The following ANO2 variants were observed in gnomAD, a reference collection of about 807,000 sequenced individuals.
ANO2 encodes anoctamin 2, also known as anoctamin-2.
In ANO2, 101 loss-of-function variants were observed where a neutral mutation model predicts 124.2. The observed-to-expected ratio is 0.81, with a 90% CI of 0.69 to 0.96. The LOEUF is 0.96. ANO2 is among the 40% of genes least tolerant of loss of function. The pLI is 0.00. For missense variants in ANO2, 1,293 were observed against 1,274.5 expected, an observed-to-expected ratio of 1.01 and a Z score of -0.22; for synonymous variants, 486 against 482.5, an observed-to-expected ratio of 1.01 and a Z score of -0.09.
intron 10 of ANO2, among the ~76,000 whole-genome samples, chr12:5,761,051 C>T (rs1432051975): frequency 8.6e-6 from 1 of 116,702 alleles, no homozygotes; most frequent in East Asian, 2.8e-4. Context: ...ATTTTGGACC[C>T]CCACAGCAAA....
chr12:5,689,113 T>C (rs1013364888), intron 14 of ANO2, among the ~76,000 whole-genome samples: 1 of 152,132 alleles, frequency 6.6e-6, no homozygotes, highest in Non-Finnish European at 1.5e-5. Flanking sequence ...AAACAAATTG[T>C]GAGGTTACTA....
chr12:5,778,113 T>C (rs2137129827), intron 10 of ANO2, among the ~76,000 whole-genome samples: 1 of 151,820 alleles, frequency 6.6e-6, no homozygotes, highest in Admixed American at 6.5e-5. Context: ...TACAAGCCAA[T>C]CTATTTATTA....
intron 10 of ANO2, among the ~76,000 whole-genome samples, chr12:5,757,895 T>C (rs1951626093): frequency 6.6e-6 from 1 of 152,320 alleles, no homozygotes; most frequent in Admixed American, 6.5e-5. Context: ...TAAGTTAGCA[T>C]GACAGAGTGT....
chr12:5,849,418 G>A (rs1299809007), intron 4 of ANO2, among the ~76,000 whole-genome samples: 2 of 152,182 alleles, frequency 1.3e-5, no homozygotes, highest in Non-Finnish European at 1.5e-5. Context: ...TGTTGACCAC[G>A]ATCTCTAGAA....
At position 5,565,621 on chromosome 12, in the gene ANO2, A is replaced by G. The variant is rs527734859; in HGVS notation, c.2664T>C (p.Tyr888=). 46 of 1,605,530 alleles carry G rather than the reference A, an allele frequency of 2.9e-5. No homozygotes were observed. In the Admixed American group the frequency reaches 4.9e-4, roughly 17 times the overall value. The part of the protein sequence containing the change: ...YREPPWAPNP[Y]EFSKQYWFIL... ...TAAACCAGTACTGTTTCGAAAACTC[A>G]TAAGGGTTCGGGGCCCATGGCGGCT... Residue 888 remains tyrosine (Y), a synonymous_variant, in exon 24 of 25, where the codon TAT becomes TAC. Coordinates refer to ENST00000682330, the MANE Select transcript of ANO2 (RefSeq NM_001364791.2).
chr12:5,685,477 G>A (rs1219995514), intron 14 of ANO2, among the ~76,000 whole-genome samples: 6 of 152,206 alleles, frequency 3.9e-5, no homozygotes, highest in African/African-American at 1.4e-4. Flanking sequence ...CTGGAACAGA[G>A]AAGAGAAGCC....
At chr12:5,797,048 G>A (rs3825285) in intron 10 of ANO2, among the ~76,000 whole-genome samples, 30,571 of 152,160 alleles carry the variant, frequency 0.2, 3,374 homozygotes, top group Admixed American at 0.26. Flanking sequence ...GAATTATCAC[G>A]TTCCGCCTGT....
intron 14 of ANO2, among the ~76,000 whole-genome samples, chr12:5,667,244 T>G (rs1225384875): frequency 2.0e-5 from 3 of 152,196 alleles, no homozygotes; most frequent in African/African-American, 7.2e-5. Flanking sequence ...TAACAAATTA[T>G]CGGGACCCTT....
chr12:5,568,257 A>G (rs1941895079), intron 23 of ANO2, among the ~76,000 whole-genome samples: 1 of 149,412 alleles, frequency 6.7e-6, no homozygotes, highest in Non-Finnish European at 1.5e-5. Context: ...CTCCTGCCTC[A>G]GCCTCAGTCC....
At chr12:5,620,992 C>A (rs545595054) in intron 16 of ANO2, among the ~76,000 whole-genome samples, 6 of 152,150 alleles carry the variant, frequency 3.9e-5, no homozygotes, top group African/African-American at 1.4e-4. Context: ...CCAGCCTGAA[C>A]GTGCCACATC....
At chr12:5,792,837 G>A (rs953702898) in intron 10 of ANO2, among the ~76,000 whole-genome samples, 1 of 152,188 alleles carries the variant, frequency 6.6e-6, no homozygotes, top group Non-Finnish European at 1.5e-5. Context: ...CTCCTTGAGA[G>A]TGGGGTCATG....
At chr12:5,867,574 C>T (rs1457557556) in intron 3 of ANO2, among the ~76,000 whole-genome samples, 3 of 152,088 alleles carry the variant, frequency 2.0e-5, no homozygotes, top group Non-Finnish European at 4.4e-5. Context: ...CACATCTGTC[C>T]GACCTGACAT....
intron 12 of ANO2, 54 bp from the exon 13 acceptor site, chr12:5,739,453 T>C (rs1356090497): frequency 6.8e-7 from 1 of 1,477,924 alleles, no homozygotes; most frequent in African/African-American, 1.4e-5. Context: ...GAGTGGATTC[T>C]GTACCCTTTG....
chr12:5,604,259 G>T (rs1050451929), intron 19 of ANO2, among the ~76,000 whole-genome samples: 2 of 152,140 alleles, frequency 1.3e-5, no homozygotes, highest in Admixed American at 1.3e-4. Flanking sequence ...AGAATACAAC[G>T]TAAGAGGCAG....
chr12:5,683,434 A>G (rs546936697), intron 14 of ANO2, among the ~76,000 whole-genome samples: 2 of 152,298 alleles, frequency 1.3e-5, no homozygotes, highest in East Asian at 3.9e-4. Context: ...ATCCAAATGA[A>G]GAGACAAGGC....
At chr12:5,669,119 T>A (rs1487457611) in intron 14 of ANO2, among the ~76,000 whole-genome samples, 3 of 152,112 alleles carry the variant, frequency 2.0e-5, no homozygotes, top group African/African-American at 7.2e-5. Context: ...TAGCATTGAG[T>A]CTACAAATTA....
chr12:5,939,213 C>CAAAAAAAAAAAA (rs34787622), intron 1 of ANO2, among the ~76,000 whole-genome samples: 1 of 86,174 alleles, frequency 1.2e-5, no homozygotes, highest in African/African-American at 4.4e-5. Flanking sequence ...AAGACTCCAA[C>CAAAAAAAAAAAA]AAAAAAAAAA....
intron 2 of ANO2, 31 bp downstream of exon 2, chr12:5,922,589 T>TGCCCCCCCCCC: frequency 1.4e-6 from 2 of 1,449,812 alleles, no homozygotes; most frequent in African/African-American, 1.5e-5. Flanking sequence ...GGCTGGCCTA[T>TGCCCCCCCCCC]CCCCCCACCC....
chr12:5,598,249 G>A (rs535595069), intron 20 of ANO2, among the ~76,000 whole-genome samples: 1 of 152,304 alleles, frequency 6.6e-6, no homozygotes, highest in South Asian at 2.1e-4. Flanking sequence ...AGTGATAGGT[G>A]CAATGATACT....
Sources: gnomAD v4.1 joint callset for allele counts (sites outside exome capture counted in the v4.1 genomes callset) on GRCh38, gnomAD v4.1.1 for gene constraint, MANE v1.5 for transcripts, NCBI Gene and HGNC (gene_info 2026-07-23, HGNC 2026-07-21) for gene names.